The following ARID5B variants were observed in gnomAD, a reference collection of about 807,000 sequenced individuals.
The protein encoded by ARID5B is AT-rich interaction domain 5B.
Under a neutral mutation model 97.2 loss-of-function variants are expected in ARID5B, and 13 were observed. That is an observed-to-expected ratio of 0.13 (90% CI 0.09 to 0.21). The LOEUF (loss-of-function observed/expected upper bound fraction) is 0.21, where lower values mean the gene tolerates loss of function less well. ARID5B is among the 10% of genes least tolerant of loss of function. The probability of loss-of-function intolerance (pLI) is 1.00; values close to 1 mark genes in which losing one functional copy is unlikely to be tolerated. For missense variants in ARID5B, 1,210 were observed against 1,465.3 expected, an observed-to-expected ratio of 0.83 and a Z score of 2.84; for synonymous variants, 556 against 570.3, an observed-to-expected ratio of 0.97 and a Z score of 0.36.
intron 1 of ARID5B, 47 bp downstream of exon 1, chr10:61,901,777 C>G (rs773028388): frequency 6.4e-7 from 1 of 1,571,432 alleles, no homozygotes; most frequent in South Asian, 1.1e-5. Context: ...CCCCCGGCAC[C>G]CCCCAACCCC....
At chr10:62,001,558 T>G (rs1839080131) in intron 4 of ARID5B, among the ~76,000 whole-genome samples, 1 of 152,208 alleles carries the variant, frequency 6.6e-6, no homozygotes, top group African/African-American at 2.4e-5. Flanking sequence ...AATTTGATTC[T>G]TCATGATTCC....
At chr10:62,075,468 G>C (rs909253807) in intron 8 of ARID5B, among the ~76,000 whole-genome samples, 1 of 152,086 alleles carries the variant, frequency 6.6e-6, no homozygotes, top group Non-Finnish European at 1.5e-5. Context: ...GAAGCTTCAG[G>C]GTTCCAGGCG....
chr10:62,023,223 TAAC>T (rs1163799624), intron 4 of ARID5B, among the ~76,000 whole-genome samples: 2 of 152,228 alleles, frequency 1.3e-5, no homozygotes, highest in East Asian at 3.8e-4. Flanking sequence ...TGTCTGAAAG[TAAC>T]AAAATGCTTA....
At chr10:62,086,926 T>G (rs1840293137) in intron 9 of ARID5B, among the ~76,000 whole-genome samples, 1 of 151,818 alleles carries the variant, frequency 6.6e-6, no homozygotes, top group South Asian at 2.1e-4. Context: ...CCTGCAAGAC[T>G]CTCCTGAAAA....
chr10:61,990,089 A>T (rs1386894084), intron 3 of ARID5B, among the ~76,000 whole-genome samples: 1 of 152,172 alleles, frequency 6.6e-6, no homozygotes, highest in Non-Finnish European at 1.5e-5. Flanking sequence ...CTCAAAGGAG[A>T]GATTCACCAT....
At chr10:61,970,602 C>G (rs1305588249) in intron 3 of ARID5B, among the ~76,000 whole-genome samples, 1 of 152,176 alleles carries the variant, frequency 6.6e-6, no homozygotes, top group East Asian at 1.9e-4. Flanking sequence ...TAAATGGAAA[C>G]TGCTGGCAAG....
intron 2 of ARID5B, among the ~76,000 whole-genome samples, chr10:61,913,227 A>G (rs1843839955): frequency 6.6e-6 from 1 of 152,208 alleles, no homozygotes; most frequent in Non-Finnish European, 1.5e-5. Flanking sequence ...ATCCATTGGT[A>G]AAGCTGGTCT....
At chr10:61,996,898 AT>A (rs1430063274) in intron 3 of ARID5B, among the ~76,000 whole-genome samples, 13 of 133,832 alleles carry the variant, frequency 9.7e-5, no homozygotes, top group Non-Finnish European at 1.6e-4. Context: ...AAAAAAAAAT[AT>A]ATATATATAT....
At chr10:61,944,801 ACTGT>A (rs1469783188) in intron 3 of ARID5B, among the ~76,000 whole-genome samples, 2 of 152,174 alleles carry the variant, frequency 1.3e-5, no homozygotes, top group Admixed American at 6.5e-5. Context: ...GCTGCCACAA[ACTGT>A]CTGTGGATGG....
rs1839062560 is a variant in ARID5B at position 62,000,478 on chromosome 10, C to T, written c.733+157C>T. Among the ~76,000 whole-genome samples, 1 of 148,720 alleles carries T rather than the reference C, an allele frequency of 6.7e-6. No homozygotes were observed. The highest frequency in any genetic ancestry group is 1.5e-5 in the Non-Finnish European group (1 of 67,570). ...TCCCCCAAATTATTGCGGCATAAGG[C>T]GTCATTGCCTCCTTCGTAGCCTCTG... On this transcript the variant is annotated intron_variant, in intron 4 of 9. Transcript: ENST00000279873. This position sits in a 1 kb window ranked among gnomAD's most constrained non-coding sequence, Gnocchi z 4.4.
intron 4 of ARID5B, among the ~76,000 whole-genome samples, chr10:62,014,336 T>A (rs547436219): frequency 4.6e-5 from 7 of 152,266 alleles, no homozygotes; most frequent in African/African-American, 1.7e-4. Context: ...GACAAAGTAA[T>A]TGTTACCACC....
chr10:62,034,545 A>T (rs767745129), intron 4 of ARID5B, among the ~76,000 whole-genome samples: 2 of 152,190 alleles, frequency 1.3e-5, no homozygotes, highest in African/African-American at 2.4e-5. Context: ...GTGTTAACAC[A>T]TTTGCCATGT....
intron 4 of ARID5B, among the ~76,000 whole-genome samples, chr10:62,032,771 C>A (rs1400026362): frequency 6.6e-6 from 1 of 152,094 alleles, no homozygotes; most frequent in Non-Finnish European, 1.5e-5. Flanking sequence ...ATGTTAGAAA[C>A]AAAACCAGGA....
intron 3 of ARID5B, among the ~76,000 whole-genome samples, chr10:61,989,480 T>G (rs2132854675): frequency 6.6e-6 from 1 of 152,302 alleles, no homozygotes; most frequent in East Asian, 1.9e-4. Context: ...ATAAATTTTG[T>G]GTTAATAAGT....
At chr10:61,911,287 A>G (rs1843799257) in intron 2 of ARID5B, among the ~76,000 whole-genome samples, 1 of 152,240 alleles carries the variant, frequency 6.6e-6, no homozygotes, top group African/African-American at 2.4e-5. Context: ...ACACAATAGT[A>G]TTCCTGAGCA....
intron 4 of ARID5B, chr10:62,047,020 G>GTC (rs1839718505): frequency 6.6e-6 from 1 of 151,938 alleles, no homozygotes; most frequent in African/African-American, 2.4e-5. Flanking sequence ...GTGTGTGTGT[G>GTC]TGTGTGTCTG....
chr10:62,076,610 A>T (rs982462579), intron 8 of ARID5B, among the ~76,000 whole-genome samples: 3 of 147,716 alleles, frequency 2.0e-5, no homozygotes, highest in Non-Finnish European at 4.5e-5. Flanking sequence ...TTATGTAATT[A>T]AAAAAAATAA....
chr10:61,935,791 G>A (rs1229241129), intron 2 of ARID5B, among the ~76,000 whole-genome samples: 2 of 152,130 alleles, frequency 1.3e-5, no homozygotes, highest in African/African-American at 2.4e-5. Flanking sequence ...TTTTATGAAA[G>A]TTAACCATAT....
intron 3 of ARID5B, among the ~76,000 whole-genome samples, chr10:61,956,485 C>A (rs905937058): frequency 1.3e-5 from 2 of 152,178 alleles, no homozygotes; most frequent in Non-Finnish European, 2.9e-5. Flanking sequence ...CAGTTCTATT[C>A]TTATAACAAC....
Sources: allele counts gnomAD v4.1 joint callset (sites outside exome capture counted in the v4.1 genomes callset), GRCh38; gene constraint gnomAD v4.1.1; non-coding constraint Gnocchi (gnomAD v3.1); transcripts MANE v1.5; gene names NCBI Gene and HGNC (gene_info 2026-07-23, HGNC 2026-07-21).